Variants in RPL6 observed in about 807,000 individuals in gnomAD.
RPL6 encodes the protein large ribosomal subunit protein eL6.
In RPL6, 1 loss-of-function variant was observed where a neutral mutation model predicts 32.1. That is an observed-to-expected ratio of 0.03 (90% CI 0.01 to 0.15). The LOEUF (loss-of-function observed/expected upper bound fraction) is 0.15. RPL6 is among the 10% of genes least tolerant of loss of function. The pLI is 1.00. For synonymous variants in RPL6, 126 were observed against 131.6 expected (o/e 0.96, Z 0.29); for missense variants, 275 against 354.6 (o/e 0.78, Z 1.80).
rs12580017 is a variant in RPL6, at chr12:112,409,583, T to A, written c.-1+4A>T. 2.5e-6 allele frequency: 1 copy of A among 398,422 alleles called. No homozygotes were observed. Among genetic ancestry groups the A allele is most frequent in the African/African-American group, 2.1e-5 (1 of 48,606 alleles). 24.7% of individuals were successfully genotyped at this position (398,422 alleles called of 1,614,324 possible). A position where few individuals can be genotyped will look rare whatever the true frequency, so the allele number is the denominator to read the frequency against. ...AGTCTTGCAGACAGGCCCGCGATTC[T>A]TACCTTGCAAGATGGGAAAGAGAAT... On this transcript the variant is annotated splice_donor_region_variant and intron_variant, in intron 1 of 6. Transcript: ENST00000202773.
intron 1 of RPL6, among the ~76,000 whole-genome samples, chr12:112,418,083 G>A (rs537978139): frequency 6.7e-6 from 1 of 150,008 alleles, no homozygotes; most frequent in African/African-American, 2.5e-5. Context: ...GGGTTCAAGC[G>A]ATTCTCCTGC....
rs375459289 is a variant in RPL6 at position 112,409,567 on chromosome 12, G to A, written c.-1+20C>T. On this transcript the variant is annotated intron_variant, in intron 1 of 6. Transcript: ENST00000202773. Reference sequence around the variant, plus strand: ...GGGAGTCCTGAACTCAAGTCTTGCAGACAGGCCCGCGATTCTTACCTTGCA... The same window carrying A: ...GGGAGTCCTGAACTCAAGTCTTGCAAACAGGCCCGCGATTCTTACCTTGCA... The A allele has an allele frequency of 7.5e-6, 3 of 398,492 alleles. No homozygotes were observed. The highest frequency in any genetic ancestry group is 8.8e-6 in the Non-Finnish European group (2 of 226,106). 24.7% of individuals were successfully genotyped at this position (398,492 alleles called of 1,614,324 possible). A position where few individuals can be genotyped will look rare whatever the true frequency, so the allele number is the denominator to read the frequency against.
Position 112,408,328 on chromosome 12 carries a change from T to A in RPL6, c.248A>T (p.Lys83Ile). 1.9e-6 allele frequency: 3 copies of A among 1,614,230 alleles called. No homozygotes were observed. Among genetic ancestry groups the A allele is most frequent in the Non-Finnish European group, 1.7e-6 (2 of 1,180,046 alleles). ...YSAAKSKVEK[K>I]KKEKVLATVT... ...AGTTGCGAGAACCTTCTCCTTCTTTTTCTTTTCAACCTACAAGGACACAAA... is the reference window on the plus strand; with the variant it reads ...AGTTGCGAGAACCTTCTCCTTCTTTATCTTTTCAACCTACAAGGACACAAA... The change falls in exon 3 of 7, where the codon AAA (lysine) becomes ATA (isoleucine). Residue 83 changes from lysine to isoleucine, a missense_variant. Physicochemically the swap from Lys to Ile is moderately radical, Grantham distance 102 (BLOSUM62 -3). Coordinates refer to ENST00000202773, the MANE Select transcript of RPL6 (RefSeq NM_000970.6).
At chr12:112,412,249 C>T (rs1400515463), upstream of RPL6, among the ~76,000 whole-genome samples, 4 of 152,110 alleles carry the variant, frequency 2.6e-5, no homozygotes, top group East Asian at 7.7e-4. Flanking sequence ...CTGTGTTAGC[C>T]AGGATGGTCT....
At chr12:112,414,317 T>G (rs1023764956), upstream of RPL6, among the ~76,000 whole-genome samples, 1 of 151,802 alleles carries the variant, frequency 6.6e-6, no homozygotes, top group Non-Finnish European at 1.5e-5. Context: ...GGGAGGGGAG[T>G]GACGTGATTA....
upstream of RPL6, among the ~76,000 whole-genome samples, chr12:112,412,685 C>T (rs1031224519): frequency 6.6e-6 from 1 of 152,034 alleles, no homozygotes; most frequent in African/African-American, 2.4e-5. Flanking sequence ...AATGTTGCCT[C>T]AGCTGTATTT....
At chr12:112,405,419 C>T (rs1478186206) in intron 6 of RPL6, 43 bp from the exon 7 acceptor site, 12 of 1,592,782 alleles carry the variant, frequency 7.5e-6, no homozygotes, top group Non-Finnish European at 9.4e-6. Flanking sequence ...AGGCACATAC[C>T]AAATTACTTG....
At chr12:112,413,379 T>C (rs990886011), upstream of RPL6, among the ~76,000 whole-genome samples, 1 of 151,420 alleles carries the variant, frequency 6.6e-6, no homozygotes, top group Non-Finnish European at 1.5e-5. Context: ...TACTAAAAAA[T>C]ACAAAAAAAT....
rs1594104560 is a variant in RPL6, at chr12:112,406,834, T to G, written c.393A>C (p.Lys131Asn). Residue 131 changes from lysine (K) to asparagine (N), a missense_variant, in exon 4 of 7, where the codon AAA (lysine) becomes AAC (asparagine). Lys to Asn is a moderately conservative substitution (Grantham distance 94, BLOSUM62 0). Coordinates refer to ENST00000202773, the MANE Select transcript of RPL6 (RefSeq NM_000970.6). Reference sequence around the variant, plus strand: ...GTTTTCTCACGTGCTGACTGAAGGGTTTTTTGCCGTGGCTCAACAGCTTTC... The same window carrying G: ...GTTTTCTCACGTGCTGACTGAAGGGGTTTTTGCCGTGGCTCAACAGCTTTC... Reference protein sequence around the residue: ...VPRKLLSHGKKPFSQHVRKLR... With the variant: ...VPRKLLSHGKNPFSQHVRKLR... 1 of 1,613,806 alleles carries G rather than the reference T, an allele frequency of 6.2e-7. No individual in the cohort carries two copies. The highest frequency in any genetic ancestry group is 8.5e-7 in the Non-Finnish European group (1 of 1,179,910).
chr12:112,410,459 A>G (rs1229474125), upstream of RPL6: 1 of 158,166 alleles, frequency 6.3e-6, no homozygotes, highest in African/African-American at 2.4e-5. Context: ...AACTTACTTC[A>G]TAAGGATGTT....
chr12:112,405,577 T>C, intron 6 of RPL6: 1 of 652,574 alleles, frequency 1.5e-6, no homozygotes, highest in Non-Finnish European at 2.6e-6. Flanking sequence ...TAAGCTTTTG[T>C]ATACTTTAGG....
intron 1 of RPL6, 181 bp from the exon 2 acceptor site, chr12:112,408,837 G>C (rs540398630): frequency 4.9e-6 from 3 of 607,248 alleles, no homozygotes; most frequent in Admixed American, 6.4e-5. Context: ...TGACTCATTT[G>C]GGGTTTGTCT....
At chr12:112,407,109 G>A in intron 3 of RPL6, 1 of 481,362 alleles carries the variant, frequency 2.1e-6, no homozygotes, top group Non-Finnish European at 3.7e-6. Context: ...TGAATGAGAT[G>A]TGTGCTCAAG....
chr12:112,406,178 T>C (rs772472358), intron 5 of RPL6, 116 bp downstream of exon 5: 11 of 1,199,080 alleles, frequency 9.2e-6, no homozygotes, highest in Non-Finnish European at 1.3e-5. Context: ...GAAATGGGCC[T>C]CAGACACTTG....
chr12:112,408,905 G>T, intron 1 of RPL6: 1 of 452,512 alleles, frequency 2.2e-6, no homozygotes, highest in Non-Finnish European at 3.9e-6. Context: ...CACCTATTAG[G>T]TTTTTTGCCA....
At chr12:112,409,398 C>T in intron 1 of RPL6, 189 bp downstream of exon 1, 1 of 398,376 alleles carries the variant, frequency 2.5e-6, no homozygotes, top group East Asian at 3.6e-5. Context: ...GCCACTACGG[C>T]ATTCTACCTC....
At chr12:112,409,797 G>C (rs776497972), upstream of RPL6, among the ~76,000 whole-genome samples, 63 of 147,570 alleles carry the variant, frequency 4.3e-4, 1 homozygote, top group Non-Finnish European at 8.1e-4. Context: ...GATCCTCTGA[G>C]GTTGGCAGTT....
chr12:112,413,981 T>C (rs1477744082), upstream of RPL6, among the ~76,000 whole-genome samples: 2 of 152,102 alleles, frequency 1.3e-5, no homozygotes, highest in African/African-American at 2.4e-5. Flanking sequence ...TAGGTGCTGA[T>C]AGAAGCATGA....
chr12:112,412,606 C>T (rs1209795857), upstream of RPL6, among the ~76,000 whole-genome samples: 2 of 152,000 alleles, frequency 1.3e-5, no homozygotes. Flanking sequence ...CCCTGAGTAG[C>T]TGGGAGTACA....
Sources: allele counts gnomAD v4.1 joint callset (sites outside exome capture counted in the v4.1 genomes callset), GRCh38; gene constraint gnomAD v4.1.1; transcripts MANE v1.5; gene names NCBI Gene and HGNC (gene_info 2026-07-23, HGNC 2026-07-21).